Variants in ERBB4 observed in about 807,000 individuals in gnomAD.
The protein encoded by ERBB4 is erb-b2 receptor tyrosine kinase 4.
A neutral mutation model predicts 158.0 loss-of-function variants in ERBB4; 42 were observed. The ratio of observed to expected loss-of-function variants is 0.27; its 90% confidence interval spans 0.21 to 0.34. ERBB4 has a LOEUF of 0.34. Among genes scored for constraint, ERBB4 ranks in the 10% least tolerant of loss-of-function variants. The pLI, the probability that ERBB4 is intolerant of heterozygous loss-of-function variation, is 1.00. For missense variants in ERBB4, 1,333 were observed against 1,624.1 expected (o/e 0.82, Z 3.08); for synonymous variants, 583 against 558.7 (o/e 1.04, Z -0.61).
intron 20 of ERBB4, among the ~76,000 whole-genome samples, chr2:211,509,827 C>G (rs1208933205): frequency 6.6e-6 from 1 of 151,980 alleles, no homozygotes; most frequent in Admixed American, 6.6e-5. Flanking sequence ...AAGCAGCCAG[C>G]AAACACATGA....
At chr2:211,807,468 T>C (rs1173046831) in intron 3 of ERBB4, among the ~76,000 whole-genome samples, 1 of 152,242 alleles carries the variant, frequency 6.6e-6, no homozygotes, top group Non-Finnish European at 1.5e-5. Context: ...ACAAAGGACG[T>C]GAACTCATCC....
chr2:211,564,727 A>G (rs1360198943), intron 19 of ERBB4, among the ~76,000 whole-genome samples: 1 of 152,172 alleles, frequency 6.6e-6, no homozygotes, highest in African/African-American at 2.4e-5. Context: ...ACAAACATCA[A>G]GCATGAGATA....
At chr2:211,507,120 G>T (rs1466661217) in intron 20 of ERBB4, among the ~76,000 whole-genome samples, 1 of 152,024 alleles carries the variant, frequency 6.6e-6, no homozygotes, top group African/African-American at 2.4e-5. Context: ...TGAAATGGAT[G>T]AATTTCTGGA....
At chr2:212,299,764 T>G (rs914010154) in intron 1 of ERBB4, among the ~76,000 whole-genome samples, 1 of 151,638 alleles carries the variant, frequency 6.6e-6, no homozygotes, top group Non-Finnish European at 1.5e-5. Flanking sequence ...AACAGCAGTC[T>G]GTTGTTTGAA....
chr2:211,758,788 C>T (rs1169322783), intron 4 of ERBB4, among the ~76,000 whole-genome samples: 1 of 152,214 alleles, frequency 6.6e-6, no homozygotes, highest in East Asian at 1.9e-4. Context: ...AGTGCACAAC[C>T]TGTTCAGCTA....
At chr2:212,151,554 T>C (rs552080101) in intron 1 of ERBB4, among the ~76,000 whole-genome samples, 4 of 151,728 alleles carry the variant, frequency 2.6e-5, no homozygotes, top group Non-Finnish European at 4.4e-5. Flanking sequence ...ATAATAAATA[T>C]ACATTTCAGA....
intron 1 of ERBB4, among the ~76,000 whole-genome samples, chr2:212,491,404 T>C (rs962374043): frequency 6.6e-6 from 1 of 151,614 alleles, no homozygotes; most frequent in Admixed American, 6.6e-5. Context: ...TTGAAGGCAA[T>C]AGATTCTTCT....
At chr2:212,061,167 G>T (rs2077752662) in intron 2 of ERBB4, among the ~76,000 whole-genome samples, 2 of 151,618 alleles carry the variant, frequency 1.3e-5, no homozygotes, top group African/African-American at 4.8e-5. Context: ...TATTAAAGAG[G>T]ATATGGAGGC....
chr2:211,671,546 T>C (rs2071840268), intron 14 of ERBB4, among the ~76,000 whole-genome samples: 1 of 152,176 alleles, frequency 6.6e-6, no homozygotes, highest in Admixed American at 6.5e-5. Flanking sequence ...GTTTTGGCAG[T>C]TGCTCATAAT....
chr2:212,504,812 C>T (rs1296523324), intron 1 of ERBB4, among the ~76,000 whole-genome samples: 1 of 151,988 alleles, frequency 6.6e-6, no homozygotes, highest in Non-Finnish European at 1.5e-5. Flanking sequence ...TTTAGAGTTA[C>T]CAAATCACCT....
At position 212,184,207 on chromosome 2, in the gene ERBB4, C is replaced by G. The variant is rs149338464; in HGVS notation, c.83-59304G>C. Among the ~76,000 whole-genome samples the G allele has an allele frequency of 5.4e-4, 82 of 152,170 alleles. 1 individual carries two copies. In the South Asian group the frequency reaches 0.017, roughly 31 times the overall value. On this transcript the variant is annotated intron_variant, in intron 1 of 27. Coordinates refer to ENST00000342788, the MANE Select transcript of ERBB4 (RefSeq NM_005235.3). The stretch of plus-strand genomic sequence containing the variant: ...GTAGCCTGGGGCTAATTCCCATTTT[C>G]AAAACTTTGCTTAAATCTCGATCCT...
intron 27 of ERBB4, among the ~76,000 whole-genome samples, chr2:211,385,732 AC>A (rs971491392): frequency 6.6e-6 from 1 of 152,122 alleles, no homozygotes. Context: ...TCTTCACCTT[AC>A]CTTTCCTCAA....
intron 3 of ERBB4, among the ~76,000 whole-genome samples, chr2:211,914,049 C>CAA (rs74891191): frequency 4.5e-4 from 42 of 93,272 alleles, no homozygotes; most frequent in South Asian, 2.4e-3. Flanking sequence ...CTTGGAATGA[C>CAA]AAAAAAAAAA....
intron 20 of ERBB4, among the ~76,000 whole-genome samples, chr2:211,436,731 T>C (rs536128023): frequency 6.6e-6 from 1 of 152,334 alleles, no homozygotes; most frequent in South Asian, 2.1e-4. Flanking sequence ...ATGATACATA[T>C]ACTTATAACC....
intron 1 of ERBB4, among the ~76,000 whole-genome samples, chr2:212,274,803 G>A (rs977303213): frequency 1.3e-5 from 2 of 151,276 alleles, no homozygotes; most frequent in African/African-American, 4.9e-5. Context: ...TTTAAGTTCT[G>A]GGGTACATGT....
intron 1 of ERBB4, among the ~76,000 whole-genome samples, chr2:212,392,179 C>T (rs896841426): frequency 6.6e-6 from 1 of 151,906 alleles, no homozygotes; most frequent in Non-Finnish European, 1.5e-5. Flanking sequence ...CATAAGACTA[C>T]TCAGAGTGAC....
At chr2:212,066,804 G>T (rs940917060) in intron 2 of ERBB4, among the ~76,000 whole-genome samples, 1 of 151,850 alleles carries the variant, frequency 6.6e-6, no homozygotes, top group African/African-American at 2.4e-5. Flanking sequence ...ATGACTTTAA[G>T]GAGATTCATG....
chr2:211,944,176 A>ATATAGT (rs1559154416), intron 3 of ERBB4, among the ~76,000 whole-genome samples: 2 of 16,292 alleles, frequency 1.2e-4, no homozygotes, highest in Non-Finnish European at 2.8e-4. Flanking sequence ...ATATATATAT[A>ATATAGT]CTATATATAT....
intron 3 of ERBB4, among the ~76,000 whole-genome samples, chr2:211,929,810 G>C (rs779263161): frequency 1.8e-4 from 28 of 152,076 alleles, no homozygotes; most frequent in Non-Finnish European, 3.1e-4. Context: ...ACATATAAAT[G>C]CATCTGTGTA....
Sources: gnomAD v4.1 joint callset for allele counts (sites outside exome capture counted in the v4.1 genomes callset) on GRCh38, gnomAD v4.1.1 for gene constraint, MANE v1.5 for transcripts, NCBI Gene and HGNC (gene_info 2026-07-23, HGNC 2026-07-21) for gene names.